LARGE1: variants seen among roughly 807,000 people sequenced by gnomAD.
LARGE1 encodes the protein xylosyl- and glucuronyltransferase LARGE1.
LARGE1 carries 43 observed loss-of-function variants against 87.6 expected under a neutral mutation model. That is an observed-to-expected ratio of 0.49 (90% CI 0.38 to 0.63). LARGE1 has a LOEUF of 0.63. LARGE1 is among the 30% of genes least tolerant of loss of function. The pLI is 0.00. For missense variants in LARGE1, 802 were observed against 1,000.2 expected, an observed-to-expected ratio of 0.80 and a Z score of 2.67; for synonymous variants, 434 against 394.6, an observed-to-expected ratio of 1.10 and a Z score of -1.18.
At chr22:33,621,063 C>T (rs1157591068) in intron 4 of LARGE1, among the ~76,000 whole-genome samples, 2 of 152,156 alleles carry the variant, frequency 1.3e-5, no homozygotes, top group Non-Finnish European at 2.9e-5. Flanking sequence ...TGTGTGTATA[C>T]TGAAATATAT....
At chr22:33,761,768 G>T (rs1341469007) in intron 1 of LARGE1, among the ~76,000 whole-genome samples, 1 of 152,016 alleles carries the variant, frequency 6.6e-6, no homozygotes, top group Non-Finnish European at 1.5e-5. Flanking sequence ...CTGTAAGCTC[G>T]CTCTCTCACA....
rs147553397 is a variant in LARGE1, at chr22:33,795,258, A to G, written c.-82-33700T>C. ...CAGCATGGGAGAATTTAAGTACTTA[A>G]CACTTAGCATAATTGCTGGTATACA... On this transcript the variant is annotated intron_variant, in intron 1 of 14. Coordinates refer to ENST00000397394, the MANE Select transcript of LARGE1 (RefSeq NM_133642.5). Among the ~76,000 whole-genome samples the G allele has an allele frequency of 2.6e-3, 393 of 152,350 alleles. 4 individuals carry two copies. The highest frequency in any genetic ancestry group is 8.9e-3 in the African/African-American group (370 of 41,580).
chr22:33,196,948 G>A (rs1337807968), intron 11 of LARGE1, among the ~76,000 whole-genome samples: 2 of 152,142 alleles, frequency 1.3e-5, no homozygotes, highest in Non-Finnish European at 2.9e-5. Flanking sequence ...AGCATAATGT[G>A]TAAAACTGAT....
chr22:33,448,013 A>G (rs1311704033), intron 6 of LARGE1, among the ~76,000 whole-genome samples: 1 of 152,114 alleles, frequency 6.6e-6, no homozygotes, highest in African/African-American at 2.4e-5. Flanking sequence ...AAGTCAGTAT[A>G]TATCACATTT....
At chr22:33,209,348 C>T (rs1924845358) in intron 11 of LARGE1, among the ~76,000 whole-genome samples, 2 of 152,116 alleles carry the variant, frequency 1.3e-5, no homozygotes, top group African/African-American at 4.8e-5. Flanking sequence ...AATTTTCCTC[C>T]AACATTAGAG....
intron 9 of LARGE1, among the ~76,000 whole-genome samples, chr22:33,349,747 T>C (rs1437160087): frequency 6.6e-6 from 1 of 152,172 alleles, no homozygotes; most frequent in African/African-American, 2.4e-5. Flanking sequence ...CTTTCAGCCA[T>C]GGAAGTTTTG....
intron 1 of LARGE1, among the ~76,000 whole-genome samples, chr22:33,865,484 C>T (rs897873046): frequency 1.3e-5 from 2 of 152,126 alleles, no homozygotes; most frequent in African/African-American, 2.4e-5. Context: ...ACAGTGAGTT[C>T]GCAAGCCTGC....
intron 4 of LARGE1, among the ~76,000 whole-genome samples, chr22:33,606,083 A>T (rs969224242): frequency 2.6e-5 from 4 of 152,176 alleles, no homozygotes; most frequent in Non-Finnish European, 4.4e-5. Context: ...GGAGCAGAGA[A>T]GGACATGAGA....
intron 7 of LARGE1, among the ~76,000 whole-genome samples, chr22:33,416,933 A>T (rs1363666921): frequency 4.3e-5 from 3 of 70,048 alleles, no homozygotes; most frequent in African/African-American, 1.3e-4. Context: ...TTTGAGACAG[A>T]GTCTCGCTGT....
intron 1 of LARGE1, among the ~76,000 whole-genome samples, chr22:33,826,112 G>A (rs2062776109): frequency 6.6e-6 from 1 of 152,030 alleles, no homozygotes; most frequent in Non-Finnish European, 1.5e-5. Flanking sequence ...ACAAACGGTG[G>A]CTTAAAACAA....
At chr22:33,235,965 G>C (rs1210012664) in intron 11 of LARGE1, among the ~76,000 whole-genome samples, 1 of 152,130 alleles carries the variant, frequency 6.6e-6, no homozygotes, top group African/African-American at 2.4e-5. Flanking sequence ...CCAATGACTG[G>C]TATTCTTATA....
intron 2 of LARGE1, among the ~76,000 whole-genome samples, chr22:33,758,484 C>G (rs1265601306): frequency 1.3e-5 from 2 of 152,190 alleles, no homozygotes; most frequent in Admixed American, 1.3e-4. Flanking sequence ...TCACCCAGCC[C>G]CTACTAAATG....
chr22:33,826,991 T>C (rs2062810552), intron 1 of LARGE1, among the ~76,000 whole-genome samples: 1 of 152,060 alleles, frequency 6.6e-6, no homozygotes, highest in Non-Finnish European at 1.5e-5. Context: ...ATGGAGGCAA[T>C]TCACCCCGGA....
intron 11 of LARGE1, among the ~76,000 whole-genome samples, chr22:33,197,293 T>C (rs1326564260): frequency 6.6e-6 from 1 of 152,092 alleles, no homozygotes; most frequent in Non-Finnish European, 1.5e-5. Flanking sequence ...AGCAGTGCAG[T>C]AAGGCAAAGA....
intron 2 of LARGE1, among the ~76,000 whole-genome samples, chr22:33,730,083 C>A (rs2083411971): frequency 6.6e-6 from 1 of 152,034 alleles, no homozygotes; most frequent in Non-Finnish European, 1.5e-5. Context: ...GTGCATGAGT[C>A]CACAAATACA....
At chr22:33,117,754 A>G in the LARGE1 span, among the ~76,000 whole-genome samples, 6 of 152,200 alleles carry the variant, frequency 3.9e-5, no homozygotes. Flanking sequence ...TTGTTTGTTT[A>G]TTTATGAATG....
chr22:33,688,529 T>C (rs1473444095), intron 2 of LARGE1, among the ~76,000 whole-genome samples: 1 of 152,088 alleles, frequency 6.6e-6, no homozygotes, highest in East Asian at 1.9e-4. Context: ...TTTTGTATTT[T>C]TAGTAGAGAT....
At chr22:33,414,168 G>GT in intron 7 of LARGE1, among the ~76,000 whole-genome samples, 1 of 152,036 alleles carries the variant, frequency 6.6e-6, no homozygotes, top group Non-Finnish European at 1.5e-5. Context: ...CAAAAACAGT[G>GT]TTTAAAGGGT....
intron 5 of LARGE1, among the ~76,000 whole-genome samples, chr22:33,583,053 AC>A (rs2078568654): frequency 6.6e-6 from 1 of 152,178 alleles, no homozygotes; most frequent in East Asian, 1.9e-4. Flanking sequence ...CATATATTAT[AC>A]CCTGTCTAGA....
Sources: allele counts gnomAD v4.1 joint callset (sites outside exome capture counted in the v4.1 genomes callset), GRCh38; gene constraint gnomAD v4.1.1; transcripts MANE v1.5; gene names NCBI Gene and HGNC (gene_info 2026-07-23, HGNC 2026-07-21).